LIN7A: variants seen among roughly 807,000 people sequenced by gnomAD.
LIN7A encodes the protein lin-7 cell polarity scaffold A.
A neutral mutation model predicts 29.8 loss-of-function variants in LIN7A; 25 were observed. The observed-to-expected ratio is 0.84, with a 90% CI of 0.61 to 1.17. The LOEUF (loss-of-function observed/expected upper bound fraction) is 1.17. Ranked by LOEUF, LIN7A falls within the 50% of genes most tolerant of loss-of-function variation. The pLI, the probability that LIN7A is intolerant of heterozygous loss-of-function variation, is 0.00. For missense variants in LIN7A, 239 were observed against 287.0 expected (o/e 0.83, Z 1.21); for synonymous variants, 118 against 107.5 (o/e 1.10, Z -0.60).
At chr12:80,874,823 A>G (rs1337099608) in intron 2 of LIN7A, among the ~76,000 whole-genome samples, 1 of 152,172 alleles carries the variant, frequency 6.6e-6, no homozygotes, top group Non-Finnish European at 1.5e-5. Flanking sequence ...CTCTACTAAA[A>G]AATAGAAAAA....
intron 1 of LIN7A, among the ~76,000 whole-genome samples, chr12:80,902,994 T>C (rs1329978618): frequency 3.3e-5 from 5 of 151,512 alleles, no homozygotes; most frequent in Non-Finnish European, 5.9e-5. Flanking sequence ...GTTTGTGGGT[T>C]TGTCATAAAT....
chr12:80,831,000 A>G (rs1385157369), intron 4 of LIN7A, among the ~76,000 whole-genome samples: 2 of 152,076 alleles, frequency 1.3e-5, no homozygotes. Context: ...CATCTCTAAC[A>G]CTATATGGAT....
chr12:80,909,836 T>A (rs1334426582), intron 1 of LIN7A, among the ~76,000 whole-genome samples: 2 of 148,296 alleles, frequency 1.3e-5, no homozygotes, highest in Non-Finnish European at 3.0e-5. Flanking sequence ...TTGTAAATTT[T>A]ACATCTAATG....
intron 2 of LIN7A, among the ~76,000 whole-genome samples, chr12:80,855,079 A>C (rs1294284508): frequency 6.6e-6 from 1 of 152,132 alleles, no homozygotes; most frequent in Non-Finnish European, 1.5e-5. Flanking sequence ...AAATGTCAAT[A>C]GAATTACAAT....
intron 1 of LIN7A, chr12:80,937,270 C>A: frequency 4.7e-6 from 1 of 211,308 alleles, no homozygotes. Flanking sequence ...TCTGGCCGGG[C>A]GAGCTTGCTC....
At chr12:80,865,128 T>C (rs1874073153) in intron 2 of LIN7A, among the ~76,000 whole-genome samples, 2 of 152,150 alleles carry the variant, frequency 1.3e-5, no homozygotes, top group Non-Finnish European at 2.9e-5. Flanking sequence ...TGTTTCAAAG[T>C]TTATGGTGTC....
intron 4 of LIN7A, among the ~76,000 whole-genome samples, chr12:80,835,218 A>T (rs370011767): frequency 6.6e-6 from 1 of 152,224 alleles, no homozygotes; most frequent in Non-Finnish European, 1.5e-5. Context: ...GGAGAGATGC[A>T]TCTGGAAGTT....
At chr12:80,866,752 T>TA (rs1310968005) in intron 2 of LIN7A, among the ~76,000 whole-genome samples, 2 of 152,182 alleles carry the variant, frequency 1.3e-5, no homozygotes, top group African/African-American at 2.4e-5. Flanking sequence ...AAGTTCAAGG[T>TA]AAAGAAAATC....
intron 2 of LIN7A, among the ~76,000 whole-genome samples, chr12:80,854,672 A>T (rs1488250346): frequency 3.9e-5 from 6 of 152,112 alleles, no homozygotes; most frequent in African/African-American, 1.4e-4. Context: ...ATTCATAATC[A>T]TGTAATGATT....
intron 2 of LIN7A, 34 bp downstream of exon 2, chr12:80,889,217 G>A: frequency 1.1e-5 from 12 of 1,103,808 alleles, no homozygotes; most frequent in Non-Finnish European, 1.7e-5. Context: ...AAGACATATG[G>A]CTGAATTTAG....
intron 4 of LIN7A, among the ~76,000 whole-genome samples, chr12:80,834,028 C>T (rs1872500622): frequency 6.6e-6 from 1 of 152,156 alleles, no homozygotes. Context: ...TCCTGGATAG[C>T]CTTTTGCAAA....
intron 5 of LIN7A, among the ~76,000 whole-genome samples, chr12:80,804,544 T>A (rs1156329936): frequency 6.6e-6 from 1 of 152,066 alleles, no homozygotes; most frequent in African/African-American, 2.4e-5. Context: ...TACTGAATTT[T>A]TTTTTTTTTT....
At chr12:80,907,262 A>C (rs1458003139) in intron 1 of LIN7A, among the ~76,000 whole-genome samples, 1 of 152,210 alleles carries the variant, frequency 6.6e-6, no homozygotes, top group Non-Finnish European at 1.5e-5. Context: ...TCTTGTGTGC[A>C]GTAACACCCT....
chr12:80,812,594 C>T lies in LIN7A; in HGVS notation c.484-911G>A, dbSNP rs1018101172. On this transcript the variant is annotated intron_variant, in intron 4 of 5. Transcript: ENST00000552864. Reference sequence around the variant, plus strand: ...GAGACAGAGTTTCACTCTTGTTGGCCAGGCTGGTGTGCAGTGGCCTGATCT... The same window carrying T: ...GAGACAGAGTTTCACTCTTGTTGGCTAGGCTGGTGTGCAGTGGCCTGATCT... Among the ~76,000 whole-genome samples the T allele has an allele frequency of 1.3e-4, 20 of 152,170 alleles. 1 individual carries two copies. The highest frequency in any genetic ancestry group is 8.5e-4 in the Admixed American group (13 of 15,292).
chr12:80,845,775 G>A lies in LIN7A; in HGVS notation c.438C>T (p.His146=), dbSNP rs183376972. The change falls in exon 4 of 6, where the codon CAC becomes CAT. Residue 146 remains histidine, a synonymous_variant. Transcript: ENST00000552864. ...RIIPGGVAER[H]GGLKRGDQLL... is the part of the protein sequence containing the mutation. ...GCTGGTCTCCTCTTTTGAGGCCTCC[G>A]TGTCTTTCAGCCACCCCTCCAGGAA... The A allele has an allele frequency of 1.8e-4, 290 of 1,613,718 alleles. 1 individual carries two copies. In the East Asian group the frequency reaches 5.6e-3, roughly 31 times the overall value.
chr12:80,919,659 C>T (rs1396383215), intron 1 of LIN7A, among the ~76,000 whole-genome samples: 1 of 152,176 alleles, frequency 6.6e-6, no homozygotes, highest in East Asian at 1.9e-4. Context: ...AGGAAACAGT[C>T]CTAGTCCTGA....
Position 80,837,101 on chromosome 12 carries a change from G to C in LIN7A, c.483+8629C>G, listed in dbSNP as rs77203078. 1.2e-3 allele frequency among the ~76,000 whole-genome samples: 177 copies of C among 152,244 alleles called. 1 individual carries two copies. Among genetic ancestry groups the C allele is most frequent in the African/African-American group, 3.8e-3 (157 of 41,552 alleles). On this transcript the variant is annotated intron_variant, in intron 4 of 5. Transcript: ENST00000552864. ...CATTGTCAGAACTAGGAGTAGAGTG[G>C]AAAATATTCAGTGTGTGCTGTTTTG...
intron 1 of LIN7A, among the ~76,000 whole-genome samples, chr12:80,898,016 C>T (rs1876000763): frequency 6.6e-6 from 1 of 151,922 alleles, no homozygotes; most frequent in Non-Finnish European, 1.5e-5. Context: ...GTTGCAATTG[C>T]TTTTGATATC....
intron 2 of LIN7A, among the ~76,000 whole-genome samples, chr12:80,857,236 A>G (rs974591308): frequency 9.9e-5 from 15 of 152,164 alleles, no homozygotes; most frequent in African/African-American, 3.4e-4. Context: ...GGAGTAAAAC[A>G]GATAGTTTAC....
Sources: gnomAD v4.1 joint callset for allele counts (sites outside exome capture counted in the v4.1 genomes callset) on GRCh38, gnomAD v4.1.1 for gene constraint, MANE v1.5 for transcripts, NCBI Gene and HGNC (gene_info 2026-07-23, HGNC 2026-07-21) for gene names.